PXDN: variants seen among roughly 807,000 people sequenced by gnomAD.
The protein encoded by PXDN is peroxidasin, also known as peroxidasin homolog.
A neutral mutation model predicts 140.3 loss-of-function variants in PXDN; 77 were observed. The observed-to-expected ratio is 0.55, with a 90% CI of 0.46 to 0.66. PXDN has a LOEUF of 0.66. Among genes scored for constraint, PXDN ranks in the 30% least tolerant of loss-of-function variants. The pLI is 0.00. For synonymous variants in PXDN, 911 were observed against 857.4 expected (o/e 1.06, Z -1.09); for missense variants, 1,838 against 2,039.5 (o/e 0.90, Z 1.90).
chr2:1,663,947 C>T, intron 11 of PXDN, 184 bp from the exon 12 acceptor site: 1 of 647,274 alleles, frequency 1.5e-6, no homozygotes, highest in Non-Finnish European at 2.6e-6. Flanking sequence ...CTGAACGTCC[C>T]TGCACCCGTA....
chr2:1,665,462 A>T (rs1683413445), intron 10 of PXDN, among the ~76,000 whole-genome samples: 1 of 152,238 alleles, frequency 6.6e-6, no homozygotes, highest in South Asian at 2.1e-4. Context: ...GTGTATGATG[A>T]TAGTGGTTAT....
chr2:1,687,762 GA>G lies in PXDN; in HGVS notation c.345-60del. 1 of 1,288,312 alleles carries G rather than the reference GA, an allele frequency of 7.8e-7. No individual in the cohort carries two copies. Among genetic ancestry groups the G allele is most frequent in the East Asian group, 2.4e-5 (1 of 40,846 alleles). 79.8% of individuals were successfully genotyped at this position (1,288,312 alleles called of 1,614,324 possible). ...CAGACAGGAGGTCAAACTTCAGACG[GA>G]AAAGAAGAATTAAATTGACACATGG... On this transcript the variant is annotated intron_variant, in intron 3 of 22. Transcript: ENST00000252804. This position sits in a 1 kb window ranked among gnomAD's most constrained non-coding sequence, Gnocchi z 4.0.
intron 1 of PXDN, among the ~76,000 whole-genome samples, chr2:1,738,493 A>C (rs1024010985): frequency 2.0e-5 from 3 of 152,198 alleles, no homozygotes; most frequent in African/African-American, 4.8e-5. Context: ...TCCAATCAGA[A>C]AGGTATTTAT....
intron 1 of PXDN, among the ~76,000 whole-genome samples, chr2:1,705,184 G>A (rs1684564301): frequency 6.6e-6 from 1 of 152,022 alleles, no homozygotes; most frequent in South Asian, 2.1e-4. Context: ...AGCAGAGCAT[G>A]TCTGCACACA....
Position 1,634,041 on chromosome 2 carries a change from T to C in PXDN, c.*163A>G, listed in dbSNP as rs562522275. The C allele has an allele frequency of 4.8e-4, 525 of 1,095,690 alleles. 4 individuals carry two copies. The African/African-American group carries it at 7.6e-3, about 16-fold the overall frequency. The allele number at this position is 1,095,690 out of a possible 1,614,324, so 67.9% of individuals were successfully genotyped here. ...CCTCCTTCTCCGCAGATGCTCTGGT[T>C]GGAAGCCTCCTGCACTGCCTTCTGT... On this transcript the variant is annotated 3_prime_UTR_variant, in exon 23 of 23. Coordinates refer to ENST00000252804, the MANE Select transcript of PXDN (RefSeq NM_012293.3).
intron 1 of PXDN, among the ~76,000 whole-genome samples, chr2:1,706,307 A>C (rs896534809): frequency 6.6e-6 from 1 of 152,222 alleles, no homozygotes; most frequent in African/African-American, 2.4e-5. Context: ...TCCATGTGAT[A>C]TCAAGTCCTC....
intron 1 of PXDN, among the ~76,000 whole-genome samples, chr2:1,741,413 G>A (rs12994167): frequency 0.5 from 75,430 of 151,862 alleles, 19,921 homozygotes; most frequent in Admixed American, 0.62. Context: ...CCAAACCGCC[G>A]ACCGAGCAGC....
At chr2:1,698,266 T>C (rs886515431) in intron 1 of PXDN, among the ~76,000 whole-genome samples, 3 of 152,210 alleles carry the variant, frequency 2.0e-5, no homozygotes, top group South Asian at 4.1e-4. Context: ...GTGGGTCTTA[T>C]CAGCTCATTC....
In PXDN at chr2:1,634,576, G is replaced by A. The variant is rs994879097; in HGVS notation, c.4321-253C>T. On this transcript the variant is annotated intron_variant, in intron 22 of 22. Transcript: ENST00000252804. ...CCTGAGGCTCCCGTCCCACCCTTCC[G>A]TCCATGCCCACGGTCCTCTCACCCT... is the stretch of plus-strand genomic sequence containing the variant. 7.2e-5 allele frequency among the ~76,000 whole-genome samples: 11 copies of A among 152,150 alleles called. No homozygotes were observed. The South Asian group carries it at 8.3e-4, about 11-fold the overall frequency.
chr2:1,682,142 A>G (rs2125442817), intron 6 of PXDN, among the ~76,000 whole-genome samples: 1 of 152,346 alleles, frequency 6.6e-6, no homozygotes, highest in East Asian at 1.9e-4. Flanking sequence ...AGACACCCAG[A>G]GAGAGGCTGA....
chr2:1,649,051 A>G lies in PXDN; in HGVS notation c.2729T>C (p.Ile910Thr). Residue 910 changes from isoleucine (I) to threonine (T), a missense_variant, in exon 17 of 23, where the codon ATA becomes ACA. By Grantham distance (89) the Ile-to-Thr change is moderately conservative. Around this residue, in one of 5 missense-constraint regions of PXDN, gnomAD observed 850 missense variants for 894.1 expected, o/e 0.95. Coordinates refer to ENST00000252804, the MANE Select transcript of PXDN (RefSeq NM_012293.3). This position sits in a 1 kb window ranked among gnomAD's most constrained non-coding sequence, Gnocchi z 7.1. ...GCTCCCGTACACGTTGGATGCGTCT[A>G]TGTAGGAGGTGAGCTGGTTGATCTG... ...REQINQLTSY[I>T]DASNVYGSTE... 6.2e-7 allele frequency: 1 copy of G among 1,612,442 alleles called. No individual in the cohort carries two copies.
intron 18 of PXDN, among the ~76,000 whole-genome samples, chr2:1,644,228 C>T (rs527971512): frequency 2.0e-5 from 3 of 152,120 alleles, no homozygotes; most frequent in African/African-American, 7.2e-5. Context: ...TCTGCCTTTC[C>T]ACTACATTAA....
At position 1,719,962 on chromosome 2, in the gene PXDN, GA is replaced by G. The variant is rs61251850; in HGVS notation, c.200+24293del. ...AGAGAGGGAGGGATGCAGAGAGAGG[GA>G]GATGCACAGAGAGAGGGAGGGATGC... On this transcript the variant is annotated intron_variant, in intron 1 of 22. Coordinates refer to ENST00000252804, the MANE Select transcript of PXDN (RefSeq NM_012293.3). Among the ~76,000 whole-genome samples, 971 of 102,362 alleles carry G rather than the reference GA, an allele frequency of 9.5e-3. 129 individuals carry two copies. Among genetic ancestry groups the G allele is most frequent in the African/African-American group, 0.03 (874 of 29,028 alleles). 67.2% of individuals were successfully genotyped at this position (102,362 alleles called of 152,430 possible). A position where few individuals can be genotyped will look rare whatever the true frequency, so the allele number is the denominator to read the frequency against.
At chr2:1,708,942 A>G (rs1388203688) in intron 1 of PXDN, among the ~76,000 whole-genome samples, 1 of 152,196 alleles carries the variant, frequency 6.6e-6, no homozygotes, top group East Asian at 1.9e-4. Context: ...TCCAAAACAC[A>G]GTCCTGCAGC....
chr2:1,707,594 CAA>C (rs1413181275), intron 1 of PXDN, among the ~76,000 whole-genome samples: 1 of 152,140 alleles, frequency 6.6e-6, no homozygotes, highest in Non-Finnish European at 1.5e-5. Context: ...ACGAGGTTGC[CAA>C]AAGTCTTCCA....
chr2:1,656,279 C>G (rs1003268025), intron 14 of PXDN, among the ~76,000 whole-genome samples: 3 of 152,166 alleles, frequency 2.0e-5, no homozygotes, highest in African/African-American at 7.2e-5. Context: ...GATACTTTAC[C>G]AAATACTATA....
chr2:1,665,565 T>A (rs187340173), intron 10 of PXDN, among the ~76,000 whole-genome samples: 1 of 152,240 alleles, frequency 6.6e-6, no homozygotes, highest in Admixed American at 6.5e-5. Flanking sequence ...AGTAAATCCA[T>A]GTAACGCAGT....
At chr2:1,681,976 G>T (rs1393702685) in intron 6 of PXDN, among the ~76,000 whole-genome samples, 3 of 152,230 alleles carry the variant, frequency 2.0e-5, no homozygotes, top group Non-Finnish European at 2.9e-5. Flanking sequence ...GGCCCCTCAG[G>T]GATGTGAGGT....
chr2:1,650,699 A>G (rs1020712396), intron 16 of PXDN, among the ~76,000 whole-genome samples: 4 of 152,046 alleles, frequency 2.6e-5, no homozygotes, highest in African/African-American at 9.7e-5. Flanking sequence ...ACACGCACAC[A>G]CACATGCACG....
Sources: allele counts gnomAD v4.1 joint callset (sites outside exome capture counted in the v4.1 genomes callset), GRCh38; gene constraint gnomAD v4.1.1; regional missense constraint gnomAD v4.1.1; non-coding constraint Gnocchi (gnomAD v3.1); transcripts MANE v1.5; gene names NCBI Gene and HGNC (gene_info 2026-07-23, HGNC 2026-07-21).